Variants in ASPH observed in about 807,000 individuals in gnomAD.
ASPH encodes the protein aspartyl/asparaginyl beta-hydroxylase.
Under a neutral mutation model 118.4 loss-of-function variants are expected in ASPH, and 100 were observed. The observed-to-expected ratio is 0.84, with a 90% confidence interval of 0.72 to 1.00. The LOEUF (loss-of-function observed/expected upper bound fraction) is 1.00, where lower values mean the gene tolerates loss of function less well. ASPH is among the 50% of genes least tolerant of loss of function. The probability of loss-of-function intolerance (pLI) is 0.00; values close to 1 mark genes in which losing one functional copy is unlikely to be tolerated. For synonymous variants in ASPH, 315 were observed against 325.6 expected, an observed-to-expected ratio of 0.97 and a Z score of 0.35; for missense variants, 920 against 919.5, an observed-to-expected ratio of 1.00 and a Z score of -0.01.
Position 61,690,852 on chromosome 8 carries a change from A to T in ASPH, c.104-6664T>A, listed in dbSNP as rs564553337. Among the ~76,000 whole-genome samples, 11 of 152,340 alleles carry T rather than the reference A, an allele frequency of 7.2e-5. 1 individual carries two copies. Among genetic ancestry groups the T allele is most frequent in the African/African-American group, 2.2e-4 (9 of 41,590 alleles). On this transcript the variant is annotated intron_variant, in intron 1 of 24. Coordinates refer to ENST00000379454, the MANE Select transcript of ASPH (RefSeq NM_004318.4). ...TTGTTAAAAGGATATGCACATTTTTAAAAAATACACCACTAGATCAATTTT... is the reference window on the plus strand; with the variant it reads ...TTGTTAAAAGGATATGCACATTTTTTAAAAATACACCACTAGATCAATTTT...
intron 1 of ASPH, among the ~76,000 whole-genome samples, chr8:61,703,625 C>T (rs1835791693): frequency 6.6e-6 from 1 of 151,884 alleles, no homozygotes; most frequent in Non-Finnish European, 1.5e-5. Context: ...AAACTAAAAA[C>T]CTAACAAATG....
At chr8:61,519,297 T>C (rs1271777401) in intron 22 of ASPH, among the ~76,000 whole-genome samples, 1 of 152,214 alleles carries the variant, frequency 6.6e-6, no homozygotes, top group African/African-American at 2.4e-5. Context: ...ATTCATGACA[T>C]ACCTAATTTT....
intron 1 of ASPH, among the ~76,000 whole-genome samples, chr8:61,707,307 C>T (rs780648431): frequency 2.6e-5 from 4 of 151,802 alleles, no homozygotes; most frequent in Non-Finnish European, 5.9e-5. Context: ...GCAAGATATA[C>T]GAACAGGCAA....
At chr8:61,582,327 A>AT (rs767750793) in intron 15 of ASPH, among the ~76,000 whole-genome samples, 37 of 152,194 alleles carry the variant, frequency 2.4e-4, no homozygotes, top group Middle Eastern at 3.4e-3. Flanking sequence ...AGCTGCTCAT[A>AT]TGTTTTTTAC....
intron 24 of ASPH, among the ~76,000 whole-genome samples, chr8:61,505,669 A>C (rs181303101): frequency 1.4e-4 from 22 of 152,260 alleles, no homozygotes; most frequent in Middle Eastern, 3.4e-3. Context: ...CTTGCATTCA[A>C]CACACACATG....
chr8:61,650,223 A>G (rs1810250500), intron 5 of ASPH, among the ~76,000 whole-genome samples: 1 of 152,162 alleles, frequency 6.6e-6, no homozygotes, highest in African/African-American at 2.4e-5. Context: ...TAGGCCCATG[A>G]GTGGCTTTCC....
chr8:61,637,223 G>A (rs567990838), intron 12 of ASPH, among the ~76,000 whole-genome samples: 6 of 152,010 alleles, frequency 3.9e-5, no homozygotes, highest in African/African-American at 7.2e-5. Context: ...ACACCCCCAC[G>A]CAGAGTCACC....
At chr8:61,567,787 G>A (rs1308375699) in intron 16 of ASPH, among the ~76,000 whole-genome samples, 1 of 152,168 alleles carries the variant, frequency 6.6e-6, no homozygotes, top group African/African-American at 2.4e-5. Context: ...TTGGAAAGGT[G>A]GCAAATATAA....
intron 15 of ASPH, chr8:61,578,470 T>C: frequency 2.5e-6 from 4 of 1,598,344 alleles, no homozygotes; most frequent in Non-Finnish European, 3.4e-6. Context: ...GACCCCAACA[T>C]CCAGGCTGTG....
rs538720826 is a variant in ASPH, at chr8:61,594,591, T to A, written c.977-10562A>T. On this transcript the variant is annotated intron_variant, in intron 14 of 24. Coordinates refer to ENST00000379454, the MANE Select transcript of ASPH (RefSeq NM_004318.4). ...GTCAGTTACAGATGGTCTACAATAG[T>A]CCCAAAATAGCTGAATACAATACAA... Among the ~76,000 whole-genome samples, 27 of 152,174 alleles carry A rather than the reference T, an allele frequency of 1.8e-4. 1 individual carries two copies. The highest frequency in any genetic ancestry group is 3.4e-4 in the Non-Finnish European group (23 of 68,018).
chr8:61,581,165 C>A (rs900576740), intron 15 of ASPH, among the ~76,000 whole-genome samples: 14 of 152,200 alleles, frequency 9.2e-5, no homozygotes, highest in African/African-American at 3.1e-4. Flanking sequence ...GGCTCTGTGA[C>A]TTTCCTGAGG....
At chr8:61,636,125 G>T (rs1371107516) in intron 12 of ASPH, among the ~76,000 whole-genome samples, 4 of 152,124 alleles carry the variant, frequency 2.6e-5, no homozygotes, top group Non-Finnish European at 5.9e-5. Flanking sequence ...AATAACAGAA[G>T]GGTTTAAACA....
intron 24 of ASPH, among the ~76,000 whole-genome samples, chr8:61,507,812 G>T (rs759998631): frequency 1.1e-4 from 17 of 152,148 alleles, no homozygotes; most frequent in Non-Finnish European, 1.9e-4. Flanking sequence ...AGTTACACTC[G>T]AATTACGACA....
intron 16 of ASPH, among the ~76,000 whole-genome samples, chr8:61,575,693 T>C (rs1834904228): frequency 6.6e-6 from 1 of 152,228 alleles, no homozygotes; most frequent in South Asian, 2.1e-4. Flanking sequence ...TTTCTGTATA[T>C]TATGATGTTT....
chr8:61,556,010 T>G lies in ASPH; in HGVS notation c.1450A>C (p.Thr484Pro). The change falls in exon 19 of 25, where the codon ACA becomes CCA. Residue 484 changes from threonine to proline, a missense_variant. Thr to Pro is a conservative substitution (Grantham distance 38, BLOSUM62 -1). Transcript: ENST00000379454. ...KKVYEEVLSV[T>P]PNDGFAKVHY... ...ACTTTAGCAAAGCCATCATTAGGTG[T>G]CACACTCAGCACCTAAACTCAAAGA... 1 of 1,613,686 alleles carries G rather than the reference T, an allele frequency of 6.2e-7. No individual in the cohort carries two copies. The highest frequency in any genetic ancestry group is 8.5e-7 in the Non-Finnish European group (1 of 1,179,792).
At chr8:61,531,466 G>C (rs1422568104) in intron 21 of ASPH, among the ~76,000 whole-genome samples, 3 of 152,036 alleles carry the variant, frequency 2.0e-5, no homozygotes, top group East Asian at 1.9e-4. Flanking sequence ...TTGAAGGTTT[G>C]AGTGTGTATG....
chr8:61,663,880 A>G (rs1258057594), intron 3 of ASPH: 6 of 949,700 alleles, frequency 6.3e-6, no homozygotes, highest in Non-Finnish European at 7.5e-6. Context: ...AAAGGTGTAC[A>G]ATACATTTAG....
At chr8:61,698,784 C>T (rs1834547354) in intron 1 of ASPH, among the ~76,000 whole-genome samples, 1 of 152,186 alleles carries the variant, frequency 6.6e-6, no homozygotes, top group Non-Finnish European at 1.5e-5. Context: ...AGATGTATGT[C>T]AGGAAACAAG....
At chr8:61,528,419 T>C (rs1816304773) in intron 21 of ASPH, among the ~76,000 whole-genome samples, 1 of 152,236 alleles carries the variant, frequency 6.6e-6, no homozygotes, top group Non-Finnish European at 1.5e-5. Context: ...TCTGTTACAT[T>C]CTTGTTAAAT....
Sources: gnomAD v4.1 joint callset for allele counts (sites outside exome capture counted in the v4.1 genomes callset) on GRCh38, gnomAD v4.1.1 for gene constraint, MANE v1.5 for transcripts, NCBI Gene and HGNC (gene_info 2026-07-23, HGNC 2026-07-21) for gene names.